The following SEMA6D variants were observed in gnomAD, a reference collection of about 807,000 sequenced individuals.
SEMA6D encodes semaphorin 6D, also known as semaphorin-6D.
A neutral mutation model predicts 106.6 loss-of-function variants in SEMA6D; 35 were observed. The ratio of observed to expected loss-of-function variants is 0.33; its 90% CI spans 0.25 to 0.44. SEMA6D has a LOEUF of 0.44. Among genes scored for constraint, SEMA6D ranks in the 20% least tolerant of loss-of-function variants. SEMA6D has a pLI of 1.00. For synonymous variants in SEMA6D, 499 were observed against 487.7 expected (o/e 1.02, Z -0.31); for missense variants, 1,185 against 1,345.9 (o/e 0.88, Z 1.87).
chr15:47,716,918 G>A (rs1031740445), upstream of SEMA6D: 1 of 123,294 alleles, frequency 8.1e-6, no homozygotes, highest in Admixed American at 9.2e-5. Flanking sequence ...TGGTTATAAA[G>A]AGAAATGGGG....
At chr15:47,540,450 G>A (rs989996923) in intron 3 of SEMA6D, among the ~76,000 whole-genome samples, 2 of 151,956 alleles carry the variant, frequency 1.3e-5, no homozygotes, top group Non-Finnish European at 2.9e-5. Context: ...AAAAAAGCAT[G>A]CATTTACTCA....
At position 47,332,627 on chromosome 15, in the gene SEMA6D, A is replaced by G. The variant is rs2037385705; in HGVS notation, c.-238-79766A>G. 2.6e-5 allele frequency among the ~76,000 whole-genome samples: 4 copies of G among 152,314 alleles called. No homozygotes were observed. The East Asian group carries it at 5.8e-4, about 22-fold the overall frequency. On this transcript the variant is annotated intron_variant, in intron 1 of 19. Coordinates refer to the SEMA6D transcript ENST00000558014. ...TCCACTTAAGCTTTAAATCAAAAAC[A>G]ACACTTCACTCTGGAATCTAGCTGT...
At chr15:47,302,214 T>G (rs1173593259) in intron 1 of SEMA6D, among the ~76,000 whole-genome samples, 1 of 152,216 alleles carries the variant, frequency 6.6e-6, no homozygotes, top group Non-Finnish European at 1.5e-5. Flanking sequence ...TCTTCCACTA[T>G]TTCGTTCTTT....
chr15:47,423,038 C>A (rs1268132446), intron 2 of SEMA6D, among the ~76,000 whole-genome samples: 1 of 152,036 alleles, frequency 6.6e-6, no homozygotes, highest in East Asian at 1.9e-4. Context: ...AACTGAAAGG[C>A]AAGGCTTGGC....
At chr15:47,186,958 C>G (rs1397878047) in intron 1 of SEMA6D, among the ~76,000 whole-genome samples, 1 of 151,920 alleles carries the variant, frequency 6.6e-6, no homozygotes, top group Non-Finnish European at 1.5e-5. Context: ...GTATGCATGA[C>G]TTTAAAATAT....
At position 47,772,485 on chromosome 15, in the gene SEMA6D, A is replaced by G. The variant is rs2082674880; in HGVS notation, c.*700A>G. On this transcript the variant is annotated 3_prime_UTR_variant, in exon 19 of 19. Transcript: ENST00000536845. ...GCATGACCGAACGAGAGACAATACTATTTCCCACAGGAGTCCATTGGGTTC... is the reference window on the plus strand; with the variant it reads ...GCATGACCGAACGAGAGACAATACTGTTTCCCACAGGAGTCCATTGGGTTC... 6.6e-6 allele frequency: 1 copy of G among 152,206 alleles called. No individual in the cohort carries two copies. Among genetic ancestry groups the G allele is most frequent in the Non-Finnish European group, 1.5e-5 (1 of 67,996 alleles). 9.4% of individuals were successfully genotyped at this position (152,206 alleles called of 1,614,324 possible).
chr15:47,305,624 A>G (rs2036203003), intron 1 of SEMA6D, among the ~76,000 whole-genome samples: 1 of 152,220 alleles, frequency 6.6e-6, no homozygotes, highest in Admixed American at 6.5e-5. Context: ...ATTAAGTAGA[A>G]TTAGTTTAAG....
chr15:47,654,181 C>T (rs1176783925), intron 4 of SEMA6D, among the ~76,000 whole-genome samples: 10 of 152,166 alleles, frequency 6.6e-5, no homozygotes, highest in Non-Finnish European at 1.2e-4. Flanking sequence ...TTCAGTGGTG[C>T]TAGATCACCA....
intron 1 of SEMA6D, among the ~76,000 whole-genome samples, chr15:47,221,085 C>A (rs562770802): frequency 7.6e-4 from 116 of 152,288 alleles, no homozygotes; most frequent in Admixed American, 4.3e-3. Context: ...TTCTGTAGGT[C>A]CCCTGGAATC....
intron 3 of SEMA6D, among the ~76,000 whole-genome samples, chr15:47,594,903 G>A (rs1243617988): frequency 2.6e-5 from 4 of 152,184 alleles, no homozygotes; most frequent in Non-Finnish European, 5.9e-5. Flanking sequence ...GTATCTGTGT[G>A]TAGAGGAGTG....
At chr15:47,715,190 GGCACAGTGGTGAACC>G (rs1383846553), upstream of SEMA6D, among the ~76,000 whole-genome samples, 1 of 152,140 alleles carries the variant, frequency 6.6e-6, no homozygotes, top group African/African-American at 2.4e-5. Context: ...GAAACAGTGT[GGCACAGTGGTGAACC>G]GCAAGTTTCT....
chr15:47,664,894 G>A (rs1366248026), intron 4 of SEMA6D, among the ~76,000 whole-genome samples: 3 of 152,180 alleles, frequency 2.0e-5, no homozygotes, highest in Admixed American at 6.5e-5. Context: ...ATGCTGGGCA[G>A]CCCCAGTGAA....
chr15:47,561,675 A>G (rs113552063), intron 3 of SEMA6D, among the ~76,000 whole-genome samples: 11,577 of 151,354 alleles, frequency 0.076, 593 homozygotes, highest in African/African-American at 0.14. Context: ...TAAATATAGG[A>G]TATTTTAAAT....
chr15:47,705,578 A>C (rs984969415), intron 4 of SEMA6D, among the ~76,000 whole-genome samples: 5 of 152,254 alleles, frequency 3.3e-5, no homozygotes, highest in East Asian at 3.9e-4. Flanking sequence ...TCTAGAATTC[A>C]TTCTTCCCTG....
intron 3 of SEMA6D, among the ~76,000 whole-genome samples, chr15:47,508,354 C>T (rs1236514604): frequency 1.3e-5 from 2 of 152,158 alleles, no homozygotes; most frequent in African/African-American, 2.4e-5. Context: ...TTTGGCATTG[C>T]AAAATGTTCA....
intron 1 of SEMA6D, among the ~76,000 whole-genome samples, chr15:47,264,090 C>G: frequency 6.6e-6 from 1 of 151,878 alleles, no homozygotes; most frequent in Non-Finnish European, 1.5e-5. Context: ...CAACCTAACA[C>G]AGAAACAAAA....
intron 3 of SEMA6D, among the ~76,000 whole-genome samples, chr15:47,511,297 C>A (rs2044222683): frequency 6.6e-6 from 1 of 152,196 alleles, no homozygotes; most frequent in African/African-American, 2.4e-5. Flanking sequence ...CACCTTGGCA[C>A]TTCATGCAGA....
At chr15:47,529,112 CAAGT>C (rs1427783856) in intron 3 of SEMA6D, among the ~76,000 whole-genome samples, 3 of 152,054 alleles carry the variant, frequency 2.0e-5, no homozygotes, top group South Asian at 2.1e-4. Context: ...TTCTTACAAT[CAAGT>C]AAGCTAGAGT....
At chr15:47,683,467 A>G (rs1875393980) in intron 4 of SEMA6D, among the ~76,000 whole-genome samples, 1 of 152,216 alleles carries the variant, frequency 6.6e-6, no homozygotes, top group Non-Finnish European at 1.5e-5. Flanking sequence ...TTCTGGAGAT[A>G]GAAAAGCTAG....
Sources: allele counts gnomAD v4.1 joint callset (sites outside exome capture counted in the v4.1 genomes callset), GRCh38; gene constraint gnomAD v4.1.1; transcripts MANE v1.5; gene names NCBI Gene and HGNC (gene_info 2026-07-23, HGNC 2026-07-21).